Variants in MGA observed in about 807,000 individuals in gnomAD.
MGA encodes MAX dimerization protein MGA, also known as MAX gene-associated protein.
In MGA, 40 loss-of-function variants were observed where a neutral mutation model predicts 261.1. The ratio of observed to expected loss-of-function variants is 0.15; its 90% CI spans 0.12 to 0.20. The LOEUF is 0.20. Among genes scored for constraint, MGA ranks in the 10% least tolerant of loss-of-function variants. MGA has a pLI of 1.00. For missense variants in MGA, 3,397 were observed against 3,630.5 expected (o/e 0.94, Z 1.65); for synonymous variants, 1,302 against 1,290.6 (o/e 1.01, Z -0.19).
intron 1 of MGA, among the ~76,000 whole-genome samples, chr15:41,631,055 A>T (rs1350203713): frequency 6.6e-6 from 1 of 152,252 alleles, no homozygotes; most frequent in Non-Finnish European, 1.5e-5. Flanking sequence ...TTCTTTGCAC[A>T]TGAGGCCTTG....
At chr15:41,624,970 C>T (rs1566918936) in intron 1 of MGA, among the ~76,000 whole-genome samples, 2 of 151,954 alleles carry the variant, frequency 1.3e-5, no homozygotes, top group African/African-American at 4.8e-5. Context: ...AGTGAGACCC[C>T]ATCTGTACAA....
chr15:41,678,685 T>G (rs2058511037), intron 2 of MGA, among the ~76,000 whole-genome samples: 1 of 151,344 alleles, frequency 6.6e-6, no homozygotes, highest in Non-Finnish European at 1.5e-5. Context: ...GAGAATCGCT[T>G]GAACCCGGGA....
intron 1 of MGA, among the ~76,000 whole-genome samples, chr15:41,635,378 A>G (rs775385553): frequency 2.0e-5 from 3 of 149,288 alleles, no homozygotes; most frequent in Non-Finnish European, 4.5e-5. Context: ...AAGTGCGGAG[A>G]TGAGACACTA....
intron 1 of MGA, among the ~76,000 whole-genome samples, chr15:41,625,406 G>T (rs1344629077): frequency 2.0e-5 from 3 of 151,638 alleles, no homozygotes; most frequent in African/African-American, 7.3e-5. Context: ...ATTGAACAAG[G>T]CTGATACAGG....
upstream of MGA, among the ~76,000 whole-genome samples, chr15:41,656,638 G>A (rs1431039726): frequency 6.6e-6 from 1 of 151,986 alleles, no homozygotes. Flanking sequence ...TGGGATTACA[G>A]GCATGAGCCA....
At chr15:41,681,252 AT>A (rs2058655486) in intron 2 of MGA, among the ~76,000 whole-genome samples, 1 of 152,102 alleles carries the variant, frequency 6.6e-6, no homozygotes. Context: ...CATTTTAGCT[AT>A]TTCTTGTGGT....
At chr15:41,629,125 AAG>A in intron 1 of MGA, among the ~76,000 whole-genome samples, 1 of 151,444 alleles carries the variant, frequency 6.6e-6, no homozygotes, top group Non-Finnish European at 1.5e-5. Context: ...AAAAAAAAAA[AAG>A]AAGCCATTGG....
At chr15:41,640,288 A>G (rs2056794709) in intron 1 of MGA, among the ~76,000 whole-genome samples, 2 of 152,168 alleles carry the variant, frequency 1.3e-5, no homozygotes, top group Non-Finnish European at 2.9e-5. Flanking sequence ...GAAGAAGGAA[A>G]GCTGGGTCCA....
At position 41,742,891 on chromosome 15, in the gene MGA, A is replaced by G. The variant is rs2062196982; in HGVS notation, c.4931A>G (p.Asn1644Ser). Reference sequence around the variant, plus strand: ...GGGGTTGTTGAGGTCTCTGAAACTAATACCAGCACCTCTGTAACATCTACC... The same window carrying G: ...GGGGTTGTTGAGGTCTCTGAAACTAGTACCAGCACCTCTGTAACATCTACC... Residue 1644 changes from asparagine (N) to serine (S), a missense_variant, in exon 15 of 24, where the codon AAT becomes AGT. Asn to Ser is a conservative substitution (Grantham distance 46). Around this residue, in one of 9 missense-constraint regions of MGA, gnomAD observed 1,410 missense variants for 1,386.4 expected, o/e 1.02. Coordinates refer to ENST00000219905, the MANE Select transcript of MGA (RefSeq NM_001164273.2). The G allele has an allele frequency of 6.2e-7, 1 of 1,614,032 alleles. No homozygotes were observed. Among genetic ancestry groups the G allele is most frequent in the South Asian group, 1.1e-5 (1 of 91,088 alleles).
intron 2 of MGA, among the ~76,000 whole-genome samples, chr15:41,692,223 T>A (rs1595740775): frequency 6.6e-6 from 1 of 152,182 alleles, no homozygotes; most frequent in African/African-American, 2.4e-5. Context: ...GAGTGGTTGG[T>A]CTCCTATCCC....
At chr15:41,626,435 T>G (rs901598776) in intron 1 of MGA, among the ~76,000 whole-genome samples, 1 of 152,088 alleles carries the variant, frequency 6.6e-6, no homozygotes, top group Admixed American at 6.6e-5. Flanking sequence ...TTTTTAAAAT[T>G]TTTTTAGACG....
intron 17 of MGA, among the ~76,000 whole-genome samples, chr15:41,754,211 G>A (rs1054544974): frequency 2.0e-5 from 3 of 152,114 alleles, no homozygotes; most frequent in African/African-American, 7.2e-5. Flanking sequence ...GAGCCACCAC[G>A]GCTCACATAT....
At chr15:41,666,053 A>C (rs1595618647) in intron 1 of MGA, among the ~76,000 whole-genome samples, 1 of 132,954 alleles carries the variant, frequency 7.5e-6, no homozygotes, top group Non-Finnish European at 1.6e-5. Context: ...TGGCCACCAT[A>C]CCTGCTATTT....
chr15:41,625,376 C>A lies in MGA; in HGVS notation c.-68+4078C>A, dbSNP rs1239214269. Reference sequence around the variant, plus strand: ...AGATCCAGTAATCAGCAAAGCCTGGCAAATTGTGAGAAAAAAAAAATTGAA... The same window carrying A: ...AGATCCAGTAATCAGCAAAGCCTGGAAAATTGTGAGAAAAAAAAAATTGAA... On this transcript the variant is annotated intron_variant, in intron 1 of 8. Transcript: ENST00000566718. Among the ~76,000 whole-genome samples the A allele has an allele frequency of 1.0e-4, 15 of 149,888 alleles. 1 individual carries two copies. The highest frequency in any genetic ancestry group is 1.0e-3 in the Admixed American group (15 of 15,032).
chr15:41,733,371 C>T (rs947104201), intron 11 of MGA, among the ~76,000 whole-genome samples: 1 of 152,174 alleles, frequency 6.6e-6, no homozygotes, highest in Non-Finnish European at 1.5e-5. Context: ...AGGTGGCAGT[C>T]TGTCCAACCC....
chr15:41,668,695 A>G, intron 1 of MGA, 133 bp from the exon 2 acceptor site: 1 of 435,896 alleles, frequency 2.3e-6, no homozygotes, highest in Non-Finnish European at 4.1e-6. Context: ...AAAAGCTTAG[A>G]AGCAAAGTCT....
In MGA at chr15:41,696,438, C is replaced by T. The variant is rs1406866878; in HGVS notation, c.1428C>T (p.Val476=). 5 of 1,613,934 alleles carry T rather than the reference C, an allele frequency of 3.1e-6. No individual in the cohort carries two copies. Among genetic ancestry groups the T allele is most frequent in the Middle Eastern group, 3.3e-4 (2 of 6,062 alleles). The change falls in exon 3 of 24, where the codon GTC becomes GTT. Residue 476 remains valine (V), a synonymous_variant. Coordinates refer to ENST00000219905, the MANE Select transcript of MGA (RefSeq NM_001164273.2). Reference sequence around the variant, plus strand: ...TAGTCTATCTGGAGCCCTGTGCTGTCACCAGAAGCACAGTTAAGATTTCTG... The same window carrying T: ...TAGTCTATCTGGAGCCCTGTGCTGTTACCAGAAGCACAGTTAAGATTTCTG...
intron 5 of MGA, among the ~76,000 whole-genome samples, chr15:41,705,896 G>C (rs965803689): frequency 1.3e-5 from 2 of 152,156 alleles, no homozygotes; most frequent in Non-Finnish European, 2.9e-5. Context: ...AGGAAAGGCT[G>C]TTTTATTTGA....
chr15:41,757,871 A>G lies in MGA; in HGVS notation c.7191+32A>G, dbSNP rs1054822391. On this transcript the variant is annotated intron_variant, in intron 19 of 23. Coordinates refer to ENST00000219905, the MANE Select transcript of MGA (RefSeq NM_001164273.2). The stretch of plus-strand genomic sequence containing the variant: ...AGGATATATTTAGTGATAATTACTC[A>G]TTGAATAAAATTGTTAACATTTATC... 22 of 1,526,750 alleles carry G rather than the reference A, an allele frequency of 1.4e-5. 1 individual carries two copies. In the Middle Eastern group the frequency reaches 8.8e-4, roughly 61 times the overall value. 94.6% of individuals were successfully genotyped at this position (1,526,750 alleles called of 1,614,324 possible). A position where few individuals can be genotyped will look rare whatever the true frequency, so the allele number is the denominator to read the frequency against.
Sources: gnomAD v4.1 joint callset for allele counts (sites outside exome capture counted in the v4.1 genomes callset) on GRCh38, gnomAD v4.1.1 for gene constraint, gnomAD v4.1.1 regional missense constraint, MANE v1.5 for transcripts, NCBI Gene and HGNC (gene_info 2026-07-23, HGNC 2026-07-21) for gene names.